Variants in GRXCR2 observed in about 807,000 individuals in gnomAD.
The protein encoded by GRXCR2 is glutaredoxin and cysteine rich domain containing 2.
GRXCR2 carries 23 observed loss-of-function variants against 24.8 expected under a neutral mutation model. The ratio of observed to expected loss-of-function variants is 0.93; its 90% confidence interval spans 0.67 to 1.32. The LOEUF is 1.32. GRXCR2 is among the 40% of genes most tolerant of loss of function. The pLI, the probability that GRXCR2 is intolerant of heterozygous loss-of-function variation, is 0.00. For synonymous variants in GRXCR2, 130 were observed against 116.1 expected, an observed-to-expected ratio of 1.12 and a Z score of -0.77; for missense variants, 315 against 303.4, an observed-to-expected ratio of 1.04 and a Z score of -0.28.
intron 2 of GRXCR2, among the ~76,000 whole-genome samples, chr5:145,897,766 A>G (rs1756970682): frequency 6.6e-6 from 1 of 152,154 alleles, no homozygotes; most frequent in African/African-American, 2.4e-5. Flanking sequence ...ATTATTTGAA[A>G]TAACTGAAAA....
At position 145,864,190 on chromosome 5, in the gene GRXCR2, G is replaced by A. The variant is rs149396818; in HGVS notation, c.564+2311C>T. Among the ~76,000 whole-genome samples, 13 of 152,228 alleles carry A rather than the reference G, an allele frequency of 8.5e-5. No homozygotes were observed. The East Asian group carries it at 1.7e-3, about 20-fold the overall frequency. ...TGAGATCTCAGAAGCTGAAGGCAGGGTGGTGGGAGTCTGGGGACATTCCAG... is the reference window on the plus strand; with the variant it reads ...TGAGATCTCAGAAGCTGAAGGCAGGATGGTGGGAGTCTGGGGACATTCCAG... On this transcript the variant is annotated intron_variant, in intron 2 of 2. Transcript: ENST00000377976.
chr5:145,883,786 G>A, intron 2 of GRXCR2, among the ~76,000 whole-genome samples: 1 of 152,148 alleles, frequency 6.6e-6, no homozygotes, highest in Non-Finnish European at 1.5e-5. Context: ...AGGGGGCTGA[G>A]GTGGAGTGAA....
chr5:145,915,733 C>CA (rs146457357), intron 2 of GRXCR2, among the ~76,000 whole-genome samples: 4,650 of 135,114 alleles, frequency 0.034, 80 homozygotes, highest in Middle Eastern at 0.064. Flanking sequence ...CACTTCATCT[C>CA]AAAAAAAAAA....
chr5:145,868,964 G>A lies in GRXCR2; in HGVS notation c.337-2236C>T, dbSNP rs1301919939. On this transcript the variant is annotated intron_variant, in intron 1 of 2. Transcript: ENST00000377976. Reference sequence around the variant, plus strand: ...CCAGTCCTACATGATAGAGGGCCAGGAAAAAGCCAAGAATTTTTCATTTCC... The same window carrying A: ...CCAGTCCTACATGATAGAGGGCCAGAAAAAAGCCAAGAATTTTTCATTTCC... Among the ~76,000 whole-genome samples the A allele has an allele frequency of 2.6e-5, 4 of 152,336 alleles. No individual in the cohort carries two copies. In the Middle Eastern group the frequency reaches 0.01, roughly 389 times the overall value.
intron 2 of GRXCR2, among the ~76,000 whole-genome samples, chr5:145,918,483 G>A (rs1215877782): frequency 6.6e-6 from 1 of 152,190 alleles, no homozygotes; most frequent in African/African-American, 2.4e-5. Context: ...TCCACAGAAG[G>A]AAGGACTGAG....
intron 2 of GRXCR2, among the ~76,000 whole-genome samples, chr5:145,923,138 A>G (rs961789770): frequency 1.7e-4 from 26 of 152,238 alleles, no homozygotes; most frequent in Non-Finnish European, 1.6e-4. Flanking sequence ...TGCCATCTCC[A>G]GGGTTTCTGA....
At chr5:145,896,430 G>A (rs187247021) in intron 2 of GRXCR2, among the ~76,000 whole-genome samples, 1 of 151,738 alleles carries the variant, frequency 6.6e-6, no homozygotes, top group Non-Finnish European at 1.5e-5. Flanking sequence ...TCAAAAAAAT[G>A]TACAAGAAAA....
At chr5:145,927,493 G>A (rs10875615) in intron 2 of GRXCR2, among the ~76,000 whole-genome samples, 27,652 of 152,058 alleles carry the variant, frequency 0.18, 2,767 homozygotes, top group Non-Finnish European at 0.23. Context: ...TAATCATATG[G>A]TTTTTGTCAT....
intron 2 of GRXCR2, among the ~76,000 whole-genome samples, chr5:145,908,198 G>C (rs909651348): frequency 2.6e-5 from 4 of 152,070 alleles, no homozygotes; most frequent in African/African-American, 7.2e-5. Context: ...TCTAAATTCC[G>C]ACAATCCTAA....
chr5:145,891,309 C>G (rs1343742367), intron 2 of GRXCR2, among the ~76,000 whole-genome samples: 1 of 152,046 alleles, frequency 6.6e-6, no homozygotes, highest in African/African-American at 2.4e-5. Flanking sequence ...TTCAGCACAC[C>G]GAGCATGAGC....
intron 2 of GRXCR2, among the ~76,000 whole-genome samples, chr5:145,914,329 A>T (rs1473720843): frequency 6.6e-6 from 1 of 151,946 alleles, no homozygotes; most frequent in African/African-American, 2.4e-5. Flanking sequence ...TTTGGTAGGA[A>T]ATCTTAGGGC....
chr5:145,885,945 TAA>T (rs2149916970), intron 2 of GRXCR2, among the ~76,000 whole-genome samples: 1 of 152,310 alleles, frequency 6.6e-6, no homozygotes, highest in Admixed American at 6.5e-5. Flanking sequence ...GCAGAGAGGT[TAA>T]GTTATCTGCC....
At chr5:145,860,573 G>A (rs925047941) in intron 2 of GRXCR2, among the ~76,000 whole-genome samples, 5 of 152,128 alleles carry the variant, frequency 3.3e-5, no homozygotes, top group Non-Finnish European at 7.4e-5. Context: ...GAGACTGAGT[G>A]GAGAAATGAA....
At chr5:145,925,860 T>C (rs1757387230) in intron 2 of GRXCR2, among the ~76,000 whole-genome samples, 1 of 152,158 alleles carries the variant, frequency 6.6e-6, no homozygotes, top group South Asian at 2.1e-4. Context: ...TTGTTTCTCC[T>C]GTATTTCACA....
Position 145,892,281 on chromosome 5 carries a change from G to T in GRXCR2, c.-69-25553C>A, listed in dbSNP as rs550077020. On this transcript the variant is annotated intron_variant, in intron 2 of 3. Coordinates refer to the GRXCR2 transcript ENST00000639411. ...ACCAGCAACAGAACAAAGCTAGATGGAGAATGACTTTAACCAGTGGAGAGA... is the reference window on the plus strand; with the variant it reads ...ACCAGCAACAGAACAAAGCTAGATGTAGAATGACTTTAACCAGTGGAGAGA... 1.3e-4 allele frequency among the ~76,000 whole-genome samples: 20 copies of T among 152,334 alleles called. No individual in the cohort carries two copies. The South Asian group carries it at 4.1e-3, about 32-fold the overall frequency.
chr5:145,872,573 C>T lies in GRXCR2; in HGVS notation c.336+60G>A, dbSNP rs1174423375. Reference sequence around the variant, plus strand: ...ACAAATCTGAACCATTTAGGAGTTTCTCTAAACACGTTTTAGGAAGCCCTA... The same window carrying T: ...ACAAATCTGAACCATTTAGGAGTTTTTCTAAACACGTTTTAGGAAGCCCTA... On this transcript the variant is annotated intron_variant, in intron 1 of 2. Transcript: ENST00000377976. 3.5e-6 allele frequency: 5 copies of T among 1,417,466 alleles called. No individual in the cohort carries two copies. In the East Asian group the frequency reaches 9.2e-5, roughly 26 times the overall value. The allele number at this position is 1,417,466 out of a possible 1,614,324, so 87.8% of individuals were successfully genotyped here. A position where few individuals can be genotyped will look rare whatever the true frequency, so the allele number is the denominator to read the frequency against.
Position 145,859,800 on chromosome 5 carries a change from T to A in GRXCR2, c.680A>T (p.Tyr227Phe), listed in dbSNP as rs200294198. ...GCAGGCAGGGCACCTCAGGGCCCGA[T>A]AGGACTCCTTAAATCTGTTGGCCAG... Reference protein sequence around the residue: ...SMLANRFKESYRALRCPACNE... With the variant: ...SMLANRFKESFRALRCPACNE... Residue 227 changes from tyrosine (Y) to phenylalanine (F), a missense_variant, in exon 3 of 3, where the codon TAT becomes TTT. Transcript: ENST00000377976. The A allele has an allele frequency of 1.2e-6, 2 of 1,614,202 alleles. No individual in the cohort carries two copies. Among genetic ancestry groups the A allele is most frequent in the African/African-American group, 2.7e-5 (2 of 75,052 alleles).
chr5:145,873,208 C>T (rs1756563042), upstream of GRXCR2, among the ~76,000 whole-genome samples: 1 of 152,186 alleles, frequency 6.6e-6, no homozygotes, highest in Admixed American at 6.5e-5. Context: ...TGATTCTTCT[C>T]ATAATCCCAA....
At chr5:145,891,335 CA>C (rs2149919092) in intron 2 of GRXCR2, among the ~76,000 whole-genome samples, 1 of 152,292 alleles carries the variant, frequency 6.6e-6, no homozygotes, top group Admixed American at 6.5e-5. Flanking sequence ...CAGGGTGAGG[CA>C]TCACCTCACC....
Sources: allele counts gnomAD v4.1 joint callset (sites outside exome capture counted in the v4.1 genomes callset), GRCh38; gene constraint gnomAD v4.1.1; transcripts MANE v1.5; gene names NCBI Gene and HGNC (gene_info 2026-07-23, HGNC 2026-07-21).